The following EYS variants were observed in gnomAD, a reference collection of about 807,000 sequenced individuals.
EYS encodes protein eyes shut homolog.
In EYS, 250 loss-of-function variants were observed where a neutral mutation model predicts 282.1. The observed-to-expected ratio is 0.89, with a 90% confidence interval of 0.80 to 0.98. EYS has a LOEUF of 0.98. Ranked by LOEUF, EYS falls within the 50% of genes least tolerant of loss-of-function variation. The pLI is 0.00. For synonymous variants in EYS, 1,355 were observed against 1,282.9 expected, an observed-to-expected ratio of 1.06 and a Z score of -1.20; for missense variants, 4,016 against 3,709.0, an observed-to-expected ratio of 1.08 and a Z score of -2.15.
intron 31 of EYS, among the ~76,000 whole-genome samples, chr6:64,112,775 G>C (rs952657748): frequency 6.9e-6 from 1 of 144,434 alleles, no homozygotes; most frequent in Non-Finnish European, 1.5e-5. Context: ...TATATATCTA[G>C]AATAATATAT....
chr6:65,131,085 C>T (rs1020441521), intron 12 of EYS, among the ~76,000 whole-genome samples: 5 of 151,756 alleles, frequency 3.3e-5, no homozygotes, highest in South Asian at 2.1e-4. Flanking sequence ...TTGGCATATA[C>T]ATACCCAGTA....
At chr6:64,752,383 C>T (rs553306043) in intron 22 of EYS, among the ~76,000 whole-genome samples, 8 of 151,860 alleles carry the variant, frequency 5.3e-5, no homozygotes, top group Non-Finnish European at 1.2e-4. Context: ...GCCTTAACAA[C>T]AGACTAGACC....
intron 22 of EYS, among the ~76,000 whole-genome samples, chr6:64,776,535 C>A (rs908792842): frequency 2.0e-5 from 3 of 151,936 alleles, no homozygotes; most frequent in African/African-American, 7.3e-5. Context: ...AGGAAAAATT[C>A]TATTCCCTTT....
At chr6:65,631,301 C>T (rs910131338) in intron 2 of EYS, among the ~76,000 whole-genome samples, 1 of 152,030 alleles carries the variant, frequency 6.6e-6, no homozygotes, top group Non-Finnish European at 1.5e-5. Context: ...AGTTTCAGTC[C>T]GTGAGGTGGG....
intron 22 of EYS, among the ~76,000 whole-genome samples, chr6:64,659,470 A>G (rs1488852171): frequency 1.3e-5 from 2 of 152,010 alleles, no homozygotes; most frequent in East Asian, 3.9e-4. Context: ...AAAGATCAAC[A>G]AAATTGATAG....
chr6:65,286,096 A>G (rs1278553635), intron 12 of EYS, among the ~76,000 whole-genome samples: 2 of 151,926 alleles, frequency 1.3e-5, no homozygotes, highest in Non-Finnish European at 2.9e-5. Flanking sequence ...TAGAATTTGC[A>G]GCCAGAAAAT....
chr6:64,800,508 C>T (rs1774504596), intron 22 of EYS, among the ~76,000 whole-genome samples: 1 of 151,388 alleles, frequency 6.6e-6, no homozygotes, highest in Non-Finnish European at 1.5e-5. Context: ...AATATCTCCA[C>T]ACCTACATAA....
chr6:64,599,698 C>T (rs1318865855), intron 24 of EYS, among the ~76,000 whole-genome samples: 1 of 151,966 alleles, frequency 6.6e-6, no homozygotes. Context: ...TCCCATAGTC[C>T]TGTCTAATTT....
intron 5 of EYS, among the ~76,000 whole-genome samples, chr6:65,454,581 T>G (rs920648492): frequency 3.9e-5 from 6 of 151,974 alleles, no homozygotes; most frequent in Non-Finnish European, 8.8e-5. Context: ...AAAAAATCCT[T>G]GCCCAGCCCA....
chr6:64,275,486 G>A (rs1768080796), intron 30 of EYS, among the ~76,000 whole-genome samples: 1 of 133,732 alleles, frequency 7.5e-6, no homozygotes, highest in Non-Finnish European at 1.5e-5. Context: ...GTCTCGCTCT[G>A]TCACCCAGGC....
chr6:65,098,936 A>G (rs992958529), intron 12 of EYS, among the ~76,000 whole-genome samples: 1 of 150,816 alleles, frequency 6.6e-6, no homozygotes, highest in African/African-American at 2.4e-5. Flanking sequence ...TGCAAAGAAT[A>G]GCAGAGTACA....
chr6:63,998,895 A>G (rs1485366251), intron 34 of EYS, among the ~76,000 whole-genome samples, 180 bp downstream of exon 34: 8 of 152,120 alleles, frequency 5.3e-5, no homozygotes, highest in Non-Finnish European at 1.2e-4. Context: ...GTGACAGGCA[A>G]CATTAAATAT....
intron 13 of EYS, among the ~76,000 whole-genome samples, chr6:65,055,484 G>A (rs1366389360): frequency 6.6e-6 from 1 of 151,966 alleles, no homozygotes; most frequent in Non-Finnish European, 1.5e-5. Flanking sequence ...CAATATTGAT[G>A]TTATTAACTA....
In EYS at chr6:64,247,749, TA is replaced by T. The variant is rs200480419; in HGVS notation, c.6192-16926del. Among the ~76,000 whole-genome samples, 18 of 151,538 alleles carry T rather than the reference TA, an allele frequency of 1.2e-4. No homozygotes were observed. In the East Asian group the frequency reaches 1.4e-3, roughly 11 times the overall value. ...AATATAATTTAATTCTCACAAGAAT[TA>T]AAAAAAAACTAATTTTATTTTCCTA... On this transcript the variant is annotated intron_variant, in intron 30 of 42. Transcript: ENST00000503581.
At chr6:65,621,382 CTT>C (rs1032791117) in intron 2 of EYS, among the ~76,000 whole-genome samples, 1 of 151,048 alleles carries the variant, frequency 6.6e-6, no homozygotes, top group African/African-American at 2.4e-5. Context: ...CAACCCCTGC[CTT>C]TTTTTGTTTT....
At chr6:65,197,944 A>C (rs1397291218) in intron 12 of EYS, among the ~76,000 whole-genome samples, 4 of 152,070 alleles carry the variant, frequency 2.6e-5, no homozygotes, top group Non-Finnish European at 5.9e-5. Flanking sequence ...TTCTATAATA[A>C]ATTCATCTTA....
intron 12 of EYS, among the ~76,000 whole-genome samples, chr6:65,247,880 G>A (rs1767219968): frequency 6.6e-6 from 1 of 151,774 alleles, no homozygotes; most frequent in Non-Finnish European, 1.5e-5. Flanking sequence ...ATTTGACCAA[G>A]GTTATCTTTA....
intron 41 of EYS, among the ~76,000 whole-genome samples, chr6:63,741,330 T>C (rs191887136): frequency 1.3e-5 from 2 of 151,988 alleles, no homozygotes; most frequent in Non-Finnish European, 2.9e-5. Flanking sequence ...AAAAAGAAAA[T>C]AGAATAGGCT....
At chr6:64,056,634 T>C (rs1770994640) in intron 33 of EYS, among the ~76,000 whole-genome samples, 2 of 152,178 alleles carry the variant, frequency 1.3e-5, no homozygotes, top group South Asian at 4.1e-4. Flanking sequence ...ACACTGCTAT[T>C]ACCACGCAAA....
Sources: allele counts gnomAD v4.1 joint callset (sites outside exome capture counted in the v4.1 genomes callset), GRCh38; gene constraint gnomAD v4.1.1; transcripts MANE v1.5; gene names NCBI Gene and HGNC (gene_info 2026-07-23, HGNC 2026-07-21).